Variants in HELZ observed in about 807,000 individuals in gnomAD.
HELZ encodes ATP-dependent RNA helicase with zinc finger domain.
In HELZ, 23 loss-of-function variants were observed where a neutral mutation model predicts 218.2. The ratio of observed to expected loss-of-function variants is 0.11; its 90% CI spans 0.08 to 0.15. The LOEUF (loss-of-function observed/expected upper bound fraction) is 0.15. HELZ is among the 10% of genes least tolerant of loss of function. The pLI is 1.00. For synonymous variants in HELZ, 814 were observed against 829.4 expected, an observed-to-expected ratio of 0.98 and a Z score of 0.32; for missense variants, 1,813 against 2,353.7, an observed-to-expected ratio of 0.77 and a Z score of 4.75.
Position 67,077,180 on chromosome 17 carries a change from A to G in HELZ, c.*1072T>C, listed in dbSNP as rs2036039253. 6.6e-6 allele frequency: 1 copy of G among 152,630 alleles called. No homozygotes were observed. The highest frequency in any genetic ancestry group is 2.4e-5 in the African/African-American group (1 of 41,458). The allele number at this position is 152,630 out of a possible 1,614,324, so 9.5% of individuals were successfully genotyped here. A position where few individuals can be genotyped will look rare whatever the true frequency, so the allele number is the denominator to read the frequency against. Reference sequence around the variant, plus strand: ...TTTTGATACATTTTTGACAAACATTATATTTCTTCTTTAATGGTGTTCCTC... The same window carrying G: ...TTTTGATACATTTTTGACAAACATTGTATTTCTTCTTTAATGGTGTTCCTC... On this transcript the variant is annotated 3_prime_UTR_variant, in exon 33 of 33. Coordinates refer to ENST00000358691, the MANE Select transcript of HELZ (RefSeq NM_014877.4).
At position 67,086,910 on chromosome 17, in the gene HELZ, C is replaced by T; in HGVS notation, c.5413G>A (p.Val1805Ile). The T allele has an allele frequency of 1.2e-6, 2 of 1,613,198 alleles. No individual in the cohort carries two copies. Among genetic ancestry groups the T allele is most frequent in the Non-Finnish European group, 1.7e-6 (2 of 1,179,838 alleles). ...SFNFSSPESWVNTTSSTPYQN... is the reference protein window; with the variant it reads ...SFNFSSPESWINTTSSTPYQN... Reference sequence around the variant, plus strand: ...TAAGGAGTAGATGAGGTGGTGTTTACCCAGGACTCCGGGGATGAAAAGTTG... The same window carrying T: ...TAAGGAGTAGATGAGGTGGTGTTTATCCAGGACTCCGGGGATGAAAAGTTG... The change falls in exon 32 of 33, where the codon GTA becomes ATA. Residue 1805 changes from valine to isoleucine, a missense_variant. Val to Ile is a conservative substitution (Grantham distance 29). This residue lies in a region of HELZ where 938 missense variants were observed against 1,027.5 expected (regional missense o/e 0.91). Transcript: ENST00000358691.
intron 2 of HELZ, among the ~76,000 whole-genome samples, chr17:67,241,630 C>A (rs937462981): frequency 6.6e-6 from 1 of 152,174 alleles, no homozygotes; most frequent in East Asian, 1.9e-4. Flanking sequence ...TATATACCAA[C>A]TTTAAGACAA....
chr17:67,148,498 G>C (rs920586887), intron 20 of HELZ, 71 bp downstream of exon 20: 2 of 1,303,966 alleles, frequency 1.5e-6, no homozygotes, highest in Non-Finnish European at 2.2e-6. Context: ...CCTAGCAGCA[G>C]TGCTGTTTTG....
At chr17:67,104,406 T>C (rs1478182708) in intron 31 of HELZ, among the ~76,000 whole-genome samples, 1 of 146,772 alleles carries the variant, frequency 6.8e-6, no homozygotes, top group African/African-American at 2.5e-5. Context: ...GCCACTGCAC[T>C]CCAGCCTGTG....
intron 20 of HELZ, among the ~76,000 whole-genome samples, chr17:67,147,176 A>T (rs2038523847): frequency 6.6e-6 from 1 of 152,200 alleles, no homozygotes; most frequent in Non-Finnish European, 1.5e-5. Flanking sequence ...TATAGATTAT[A>T]TATTTAGTCA....
intron 23 of HELZ, among the ~76,000 whole-genome samples, chr17:67,134,174 C>T (rs145210453): frequency 5.3e-5 from 8 of 152,158 alleles, no homozygotes; most frequent in African/African-American, 1.4e-4. Context: ...ACCTGAGGTC[C>T]GGAGTTTGAG....
At chr17:67,235,360 C>T (rs539988312) in intron 3 of HELZ, among the ~76,000 whole-genome samples, 2 of 152,194 alleles carry the variant, frequency 1.3e-5, no homozygotes, top group South Asian at 4.2e-4. Context: ...CAAAAATTAG[C>T]AGGGCATGGT....
chr17:67,152,386 CAA>C (rs1247984803), intron 17 of HELZ, among the ~76,000 whole-genome samples: 3 of 152,034 alleles, frequency 2.0e-5, no homozygotes, highest in African/African-American at 7.2e-5. Context: ...AGAGTGCAGA[CAA>C]GAGCAGATGG....
intron 13 of HELZ, among the ~76,000 whole-genome samples, chr17:67,168,314 T>C (rs9908482): frequency 0.087 from 13,227 of 152,126 alleles, 1,505 homozygotes; most frequent in African/African-American, 0.26. Flanking sequence ...AACTCCCATG[T>C]AAGTTACATA....
Position 67,151,066 on chromosome 17 carries a change from C to G in HELZ, c.2336G>C (p.Cys779Ser). 1 of 1,613,806 alleles carries G rather than the reference C, an allele frequency of 6.2e-7. No individual in the cohort carries two copies. Reference protein sequence around the residue: ...VVTLNTSQYLCQLDLEPGFFT... With the variant: ...VVTLNTSQYLSQLDLEPGFFT... ...CATACCAGGTTCAAGGTCCAACTGA[C>G]AGAGGTACTGGGAAGTATTCAAGGT... Residue 779 changes from cysteine (C) to serine (S), a missense_variant, in exon 18 of 33, where the codon TGT (cysteine) becomes TCT (serine). Around this residue, in one of 4 missense-constraint regions of HELZ, gnomAD observed 714 missense variants for 1,029.2 expected, o/e 0.69. Transcript: ENST00000358691.
chr17:67,147,207 T>TA (rs1293201736), intron 20 of HELZ, among the ~76,000 whole-genome samples: 2 of 152,194 alleles, frequency 1.3e-5, no homozygotes, highest in Non-Finnish European at 2.9e-5. Flanking sequence ...TATGCATAGC[T>TA]AACAGAATCT....
chr17:67,215,797 G>T, intron 5 of HELZ, 102 bp downstream of exon 5: 1 of 779,792 alleles, frequency 1.3e-6, no homozygotes, highest in Non-Finnish European at 2.2e-6. Context: ...CAGTAAGGTG[G>T]GCTTTTCAAA....
intron 31 of HELZ, among the ~76,000 whole-genome samples, chr17:67,095,645 T>C (rs886441759): frequency 6.6e-6 from 1 of 152,210 alleles, no homozygotes; most frequent in African/African-American, 2.4e-5. Context: ...TCTAGTTCTC[T>C]TGCTATTTCC....
intron 21 of HELZ, among the ~76,000 whole-genome samples, chr17:67,144,978 G>T: frequency 6.6e-6 from 1 of 152,074 alleles, no homozygotes; most frequent in East Asian, 1.9e-4. Context: ...ACAGGCCCAT[G>T]AGCAATGTCT....
rs1488628649 is a variant in HELZ, at chr17:67,160,899, A to G, written c.2073T>C (p.Thr691=). The stretch of plus-strand genomic sequence containing the variant: ...GAGCACGCTTCCCACCCTCTCACCT[A>G]GTCTCCTGTTGCTGCAGAATATGTT... ...AVKHILQQQE[T]RILICTHSNS... The change falls in exon 16 of 33, where the codon ACT becomes ACC. Residue 691 remains threonine, a splice_region_variant and synonymous_variant. Transcript: ENST00000358691. 2 of 1,598,906 alleles carry G rather than the reference A, an allele frequency of 1.3e-6. No homozygotes were observed. The highest frequency in any genetic ancestry group is 2.3e-5 in the East Asian group (1 of 44,352).
At position 67,087,198 on chromosome 17, in the gene HELZ, T is replaced by C; in HGVS notation, c.5242-117A>G. 3.2e-6 allele frequency: 3 copies of C among 950,306 alleles called. No individual in the cohort carries two copies. In the South Asian group the frequency reaches 5.0e-5, roughly 16 times the overall value. The allele number at this position is 950,306 out of a possible 1,614,324, so 58.9% of individuals were successfully genotyped here. ...AGTAAAAATTGTCAAGAATATACTG[T>C]GACTGTGAAACCCTCCCTCCACCCT... On this transcript the variant is annotated intron_variant, in intron 31 of 32. Coordinates refer to ENST00000358691, the MANE Select transcript of HELZ (RefSeq NM_014877.4).
Position 67,145,730 on chromosome 17 carries a change from A to T in HELZ, c.2769+13T>A. ...GAGAAAATGTTAACAATTTACAAAA[A>T]GAATTAAGGTACCTCTGCATTATTA... On this transcript the variant is annotated intron_variant, in intron 21 of 32. Transcript: ENST00000358691. The T allele has an allele frequency of 6.3e-7, 1 of 1,579,858 alleles. No individual in the cohort carries two copies. Among genetic ancestry groups the T allele is most frequent in the Non-Finnish European group, 8.6e-7 (1 of 1,157,980 alleles).
In HELZ at chr17:67,073,966, A is replaced by T. The variant is rs2035954796; in HGVS notation, c.*4286T>A. 6.6e-6 allele frequency: 1 copy of T among 152,136 alleles called. No individual in the cohort carries two copies. Among genetic ancestry groups the T allele is most frequent in the African/African-American group, 2.4e-5 (1 of 41,450 alleles). 9.4% of individuals were successfully genotyped at this position (152,136 alleles called of 1,614,324 possible). ...TGCCAGTTACTCTTTCAAGATGGAG[A>T]TGGTGTCTTTGTAAGTGATTGGCAC... On this transcript the variant is annotated 3_prime_UTR_variant, in exon 33 of 33. Coordinates refer to ENST00000358691, the MANE Select transcript of HELZ (RefSeq NM_014877.4).
chr17:67,162,651 T>C (rs1464387381), intron 15 of HELZ, among the ~76,000 whole-genome samples: 4 of 152,072 alleles, frequency 2.6e-5, no homozygotes, highest in African/African-American at 7.2e-5. Context: ...ACAGACCCAA[T>C]TCTGATCAAT....
Sources: allele counts gnomAD v4.1 joint callset (sites outside exome capture counted in the v4.1 genomes callset), GRCh38; gene constraint gnomAD v4.1.1; regional missense constraint gnomAD v4.1.1; transcripts MANE v1.5; gene names NCBI Gene and HGNC (gene_info 2026-07-23, HGNC 2026-07-21).